Variants in NUP210L observed in about 807,000 individuals in gnomAD.
NUP210L encodes the protein nuclear pore membrane glycoprotein 210-like.
NUP210L carries 74 observed loss-of-function variants against 208.5 expected under a neutral mutation model. The observed-to-expected ratio is 0.35, with a 90% CI of 0.29 to 0.43. The LOEUF is 0.43. NUP210L is among the 20% of genes least tolerant of loss of function. The pLI is 1.00. For synonymous variants in NUP210L, 780 were observed against 816.9 expected (o/e 0.95, Z 0.77); for missense variants, 1,843 against 2,289.4 (o/e 0.81, Z 3.98).
At chr1:154,136,338 G>A (rs1658545992) in intron 6 of NUP210L, among the ~76,000 whole-genome samples, 1 of 152,076 alleles carries the variant, frequency 6.6e-6, no homozygotes, top group Admixed American at 6.6e-5. Context: ...TGTAATCCCA[G>A]CTACTCGGGA....
intron 6 of NUP210L, among the ~76,000 whole-genome samples, chr1:154,136,970 T>C (rs567373806): frequency 1.1e-4 from 16 of 140,558 alleles, no homozygotes; most frequent in South Asian, 2.3e-4. Context: ...ATCAACAGAA[T>C]ATTAAGCTTT....
At chr1:154,086,971 T>G (rs1293737013) in intron 16 of NUP210L, among the ~76,000 whole-genome samples, 1 of 152,148 alleles carries the variant, frequency 6.6e-6, no homozygotes, top group East Asian at 1.9e-4. Context: ...GCAAAGGATC[T>G]GAATATACAT....
chr1:154,072,744 A>G (rs906036923), intron 16 of NUP210L, among the ~76,000 whole-genome samples: 1 of 152,174 alleles, frequency 6.6e-6, no homozygotes, highest in African/African-American at 2.4e-5. Context: ...CTGGGTCCTC[A>G]TCCCTCACCT....
Position 154,066,480 on chromosome 1 carries a change from G to A in NUP210L, c.2554+3793C>T, listed in dbSNP as rs1248449963. ...CAAAAAATTAGCCGGGTGCGGTGGC[G>A]GGCGCCTGTAGTCCCAGCTACTCAG... On this transcript the variant is annotated intron_variant, in intron 17 of 39. Transcript: ENST00000368559. Among the ~76,000 whole-genome samples the A allele has an allele frequency of 3.3e-5, 5 of 152,080 alleles. No homozygotes were observed. In the East Asian group the frequency reaches 7.7e-4, roughly 24 times the overall value.
At chr1:154,118,926 T>C (rs1657470899) in intron 10 of NUP210L, 118 bp from the exon 11 acceptor site, 1 of 509,468 alleles carries the variant, frequency 2.0e-6, no homozygotes, top group Non-Finnish European at 3.4e-6. Context: ...AACCAGTTTC[T>C]ATCTATAAAA....
At chr1:154,028,101 GA>G (rs912838018) in intron 28 of NUP210L, among the ~76,000 whole-genome samples, 4 of 150,400 alleles carry the variant, frequency 2.7e-5, no homozygotes, top group Admixed American at 6.6e-5. Context: ...AACAGGAAAA[GA>G]AAAAAAAAGT....
intron 25 of NUP210L, among the ~76,000 whole-genome samples, chr1:154,046,723 T>C (rs1653204059): frequency 2.0e-5 from 3 of 152,194 alleles, no homozygotes; most frequent in Admixed American, 6.5e-5. Flanking sequence ...CTCACTTATA[T>C]ATTTATGGGA....
intron 7 of NUP210L, among the ~76,000 whole-genome samples, chr1:154,132,599 G>A (rs1658314150): frequency 6.6e-6 from 1 of 151,980 alleles, no homozygotes; most frequent in African/African-American, 2.4e-5. Flanking sequence ...CAAATACAAT[G>A]TATTTTAATA....
At chr1:154,027,285 T>C (rs2147937896) in intron 29 of NUP210L, among the ~76,000 whole-genome samples, 1 of 152,136 alleles carries the variant, frequency 6.6e-6, no homozygotes. Flanking sequence ...TAAAAATATT[T>C]GGAACTAGAT....
In NUP210L at chr1:154,054,277, G is replaced by A. The variant is rs760499118; in HGVS notation, c.3434C>T (p.Thr1145Ile). Residue 1145 changes from threonine (T) to isoleucine (I), a missense_variant, in exon 25 of 40, where the codon ACC (threonine) becomes ATC (isoleucine). Thr to Ile is a moderately conservative substitution (Grantham distance 89). This residue lies in a region of NUP210L where 781 missense variants were observed against 973.8 expected (regional missense o/e 0.80). Transcript: ENST00000368559. ...AGTATCTTCATTTACTGTCTGGATG[G>A]TGCCATGAACCACAGCTGTGCCAAC... 9 of 1,614,118 alleles carry A rather than the reference G, an allele frequency of 5.6e-6. No individual in the cohort carries two copies. In the African/African-American group the frequency reaches 1.1e-4, roughly 19 times the overall value.
intron 3 of NUP210L, 52 bp from the exon 4 acceptor site, chr1:154,141,576 T>G (rs766996036): frequency 7.2e-6 from 8 of 1,104,644 alleles, no homozygotes; most frequent in Non-Finnish European, 9.7e-6. Context: ...TTAAAAATAT[T>G]CAGGTATTTA....
intron 35 of NUP210L, among the ~76,000 whole-genome samples, chr1:154,004,180 T>TGCCTCA (rs1412534184): frequency 1.3e-5 from 2 of 151,508 alleles, no homozygotes; most frequent in Non-Finnish European, 2.9e-5. Context: ...GCCATTCTTC[T>TGCCTCA]GCCTCAGCCT....
At chr1:154,093,770 A>G (rs552691522) in intron 15 of NUP210L, among the ~76,000 whole-genome samples, 97 of 152,346 alleles carry the variant, frequency 6.4e-4, no homozygotes, top group African/African-American at 2.0e-3. Context: ...AAGCCCAGTA[A>G]AACTGCAAAT....
At chr1:154,010,097 A>G in exon 35 of NUP210L, 4 of 1,613,894 alleles carry the variant, frequency 2.5e-6, no homozygotes, top group South Asian at 1.1e-5. Context: ...TGTAATGGCC[A>G]AGGCCTGGTT....
intron 17 of NUP210L, 72 bp downstream of exon 17, chr1:154,070,201 A>T (rs1349520522): frequency 7.8e-7 from 1 of 1,277,962 alleles, no homozygotes; most frequent in Non-Finnish European, 1.1e-6. Flanking sequence ...AAAGCAAAAA[A>T]CAAAACAAAA....
Position 154,000,940 on chromosome 1 carries a change from G to C in NUP210L, c.5302C>G (p.Pro1768Ala), listed in dbSNP as rs1323941660. 1.9e-6 allele frequency: 3 copies of C among 1,614,040 alleles called. No homozygotes were observed. The highest frequency in any genetic ancestry group is 2.5e-6 in the Non-Finnish European group (3 of 1,180,042). Residue 1768 changes from proline (P) to alanine (A), a missense_variant, in exon 37 of 40, where the codon CCT becomes GCT. Coordinates refer to ENST00000368559, the Ensembl canonical transcript of NUP210L. ...ACACAGGAAATATTGATGAAAACAG[G>C]TGATGCCATTTGCTGGAAGGAAGTG...
intron 19 of NUP210L, 132 bp downstream of exon 19, chr1:154,060,810 T>C: frequency 1.3e-6 from 1 of 745,360 alleles, no homozygotes; most frequent in Non-Finnish European, 2.2e-6. Context: ...AGTGCAACTA[T>C]TATATATGTG....
chr1:154,123,098 T>A (rs1247069389), intron 10 of NUP210L, among the ~76,000 whole-genome samples: 1 of 151,196 alleles, frequency 6.6e-6, no homozygotes, highest in East Asian at 1.9e-4. Flanking sequence ...GCTAATAAAT[T>A]AATTCAGCGA....
intron 14 of NUP210L, among the ~76,000 whole-genome samples, chr1:154,097,656 C>CT (rs1656241180): frequency 1.3e-5 from 2 of 152,130 alleles, no homozygotes; most frequent in South Asian, 4.1e-4. Context: ...AATAATTTAT[C>CT]TTTTTTCTTT....
Sources: allele counts gnomAD v4.1 joint callset (sites outside exome capture counted in the v4.1 genomes callset), GRCh38; gene constraint gnomAD v4.1.1; regional missense constraint gnomAD v4.1.1; transcripts MANE v1.5; gene names NCBI Gene and HGNC (gene_info 2026-07-23, HGNC 2026-07-21).